Variants in PIEZO2 observed in about 807,000 individuals in gnomAD.
PIEZO2 encodes the protein piezo type mechanosensitive ion channel component 2.
In PIEZO2, 172 loss-of-function variants were observed where a neutral mutation model predicts 337.3. That is an observed-to-expected ratio of 0.51 (90% CI 0.45 to 0.58). The LOEUF is 0.58. PIEZO2 is among the 20% of genes least tolerant of loss of function. PIEZO2 has a pLI of 0.00. For missense variants in PIEZO2, 3,028 were observed against 3,391.3 expected, an observed-to-expected ratio of 0.89 and a Z score of 2.66; for synonymous variants, 1,251 against 1,228.5, an observed-to-expected ratio of 1.02 and a Z score of -0.38.
chr18:10,698,012 C>CGGATGCATTTGTGAGCAATTACTGA, intron 44 of PIEZO2, 132 bp from the exon 45 acceptor site: 1 of 1,062,350 alleles, frequency 9.4e-7, no homozygotes, highest in East Asian at 2.6e-5. Flanking sequence ...TGAGTATGCA[C>CGGATGCATTTGTGAGCAATTACTGA]GGCCTTGGGA....
chr18:10,977,868 A>C (rs951479668), intron 3 of PIEZO2, among the ~76,000 whole-genome samples: 1 of 152,240 alleles, frequency 6.6e-6, no homozygotes, highest in Non-Finnish European at 1.5e-5. Context: ...TGAATAGACA[A>C]ATCTAATACA....
chr18:11,075,846 T>C (rs1027333354), intron 1 of PIEZO2, among the ~76,000 whole-genome samples: 9 of 149,768 alleles, frequency 6.0e-5, no homozygotes, highest in East Asian at 4.0e-4. Context: ...TGGAGTGCAG[T>C]GGCGCGATCT....
chr18:11,109,513 T>C lies in PIEZO2; in HGVS notation c.64+39012A>G, dbSNP rs4392133. On this transcript the variant is annotated intron_variant, in intron 1 of 55. Transcript: ENST00000674853. The surrounding 1 kb of genome is among the most constrained non-coding windows in gnomAD (Gnocchi z 5.1). The stretch of plus-strand genomic sequence containing the variant: ...GGTGGATCACTTGAGGTCAGGGGTT[T>C]GAGACGACCCTGGCCAAGATGGCGA... Among the ~76,000 whole-genome samples the C allele has an allele frequency of 0.86, 131,300 of 152,092 alleles. 56,826 individuals carry two copies. Among genetic ancestry groups the C allele is most frequent in the African/African-American group, 0.92 (38,170 of 41,484 alleles).
rs1198556503 is a variant in PIEZO2, at chr18:10,988,702, G to A, written c.161-9042C>T. ...CCTAAATGTCCACTGAAGGAATATT[G>A]GATAAGGAAATTGTGGCATATACAT... On this transcript the variant is annotated intron_variant, in intron 2 of 55. Coordinates refer to ENST00000674853, the MANE Select transcript of PIEZO2 (RefSeq NM_001378183.1). The surrounding 1 kb of genome is among the most constrained non-coding windows in gnomAD (Gnocchi z 4.8). 6.6e-6 allele frequency among the ~76,000 whole-genome samples: 1 copy of A among 152,098 alleles called. No individual in the cohort carries two copies. Among genetic ancestry groups the A allele is most frequent in the Non-Finnish European group, 1.5e-5 (1 of 68,010 alleles).
At chr18:10,769,721 T>C (rs1284497175) in intron 21 of PIEZO2, 2 of 156,244 alleles carry the variant, frequency 1.3e-5, no homozygotes, top group Non-Finnish European at 2.8e-5. Flanking sequence ...TTGTATTGTA[T>C]CTCAAGAAAT....
intron 4 of PIEZO2, among the ~76,000 whole-genome samples, chr18:10,902,558 C>T (rs2043076844): frequency 1.3e-5 from 2 of 152,104 alleles, no homozygotes; most frequent in African/African-American, 4.8e-5. Flanking sequence ...AGACATGACA[C>T]CCCTCCTCCC....
chr18:10,845,151 C>A (rs1159937783), intron 7 of PIEZO2, among the ~76,000 whole-genome samples: 2 of 151,552 alleles, frequency 1.3e-5, no homozygotes, highest in Admixed American at 6.6e-5. Flanking sequence ...ATATTCATAA[C>A]CTATGGGGAA....
rs1215535230 is a variant in PIEZO2, at chr18:10,819,570, T to C, written c.918-12296A>G. On this transcript the variant is annotated intron_variant, in intron 7 of 55. Coordinates refer to ENST00000674853, the MANE Select transcript of PIEZO2 (RefSeq NM_001378183.1). This position sits in a 1 kb window ranked among gnomAD's most constrained non-coding sequence, Gnocchi z 4.3. ...TGTCACTTAACAAAAAATCCAAAGA[T>C]GAGCAGTTCCAGGTTAGCTAATTCA... 6.6e-6 allele frequency among the ~76,000 whole-genome samples: 1 copy of C among 152,192 alleles called. No individual in the cohort carries two copies. Among genetic ancestry groups the C allele is most frequent in the Non-Finnish European group, 1.5e-5 (1 of 68,026 alleles).
Position 11,080,782 on chromosome 18 carries a change from C to G in PIEZO2, c.65-14560G>C, listed in dbSNP as rs2038711761. On this transcript the variant is annotated intron_variant, in intron 1 of 55. Coordinates refer to ENST00000674853, the MANE Select transcript of PIEZO2 (RefSeq NM_001378183.1). The surrounding 1 kb of genome is among the most constrained non-coding windows in gnomAD (Gnocchi z 5.4). Reference sequence around the variant, plus strand: ...TCGCTTGAACTCGGGAGGCGGAGGTCACGGTGAGCCAAGATGGTGCCACTG... The same window carrying G: ...TCGCTTGAACTCGGGAGGCGGAGGTGACGGTGAGCCAAGATGGTGCCACTG... 6.6e-6 allele frequency among the ~76,000 whole-genome samples: 1 copy of G among 152,122 alleles called. No individual in the cohort carries two copies.
intron 2 of PIEZO2, among the ~76,000 whole-genome samples, chr18:10,996,913 A>T (rs2035344120): frequency 6.6e-6 from 1 of 152,184 alleles, no homozygotes; most frequent in Non-Finnish European, 1.5e-5. Flanking sequence ...TGACCAAAGG[A>T]GCTGTGGGGA....
intron 3 of PIEZO2, among the ~76,000 whole-genome samples, chr18:10,963,708 C>T (rs1207724627): frequency 6.6e-6 from 1 of 152,078 alleles, no homozygotes; most frequent in Admixed American, 6.5e-5. Context: ...AGCTATTTGT[C>T]AGTGTTATGG....
chr18:11,033,647 C>T lies in PIEZO2; in HGVS notation c.160+32480G>A, dbSNP rs1373579454. ...TAGTCTGAAAACATAAACCATATAA[C>T]GAGTCAGACATATATAGCACATGCC... On this transcript the variant is annotated intron_variant, in intron 2 of 55. Coordinates refer to ENST00000674853, the MANE Select transcript of PIEZO2 (RefSeq NM_001378183.1). This position sits in a 1 kb window ranked among gnomAD's most constrained non-coding sequence, Gnocchi z 4.2. 6.6e-6 allele frequency among the ~76,000 whole-genome samples: 1 copy of T among 152,046 alleles called. No individual in the cohort carries two copies. The highest frequency in any genetic ancestry group is 1.5e-5 in the Non-Finnish European group (1 of 68,026).
At chr18:10,839,609 G>A (rs2041129132) in intron 7 of PIEZO2, among the ~76,000 whole-genome samples, 1 of 152,202 alleles carries the variant, frequency 6.6e-6, no homozygotes, top group Non-Finnish European at 1.5e-5. Flanking sequence ...CCCCATGTCT[G>A]GCTTGGCAGT....
chr18:10,841,525 G>A (rs1484739820), intron 7 of PIEZO2, among the ~76,000 whole-genome samples: 1 of 152,160 alleles, frequency 6.6e-6, no homozygotes, highest in African/African-American at 2.4e-5. Flanking sequence ...GAGGCCAGAA[G>A]GCAGTGAGTT....
chr18:10,953,888 G>A lies in PIEZO2; in HGVS notation c.286+25647C>T, dbSNP rs997744573. Among the ~76,000 whole-genome samples the A allele has an allele frequency of 3.3e-5, 5 of 152,184 alleles. No individual in the cohort carries two copies. The highest frequency in any genetic ancestry group is 1.3e-4 in the Admixed American group (2 of 15,282). The stretch of plus-strand genomic sequence containing the variant: ...AGCACAGGGTGCCCCTGGTTACTAT[G>A]TGAGGACGATACTGCCTTGTTTTAA... On this transcript the variant is annotated intron_variant, in intron 3 of 55. Transcript: ENST00000674853. This position sits in a 1 kb window ranked among gnomAD's most constrained non-coding sequence, Gnocchi z 5.2.
chr18:10,725,546 TC>T, intron 36 of PIEZO2: 1 of 1,372,728 alleles, frequency 7.3e-7, no homozygotes, highest in Non-Finnish European at 9.9e-7. Flanking sequence ...CCCCACTAAC[TC>T]CCCCTTTTGT....
Position 10,701,880 on chromosome 18 carries a change from C to T in PIEZO2, c.6441+109G>A, listed in dbSNP as rs892030339. On this transcript the variant is annotated intron_variant, in intron 43 of 55. Transcript: ENST00000674853. ...ATATGAGTAGATACCACTCACTGGCCCCTCAGCCCCATCACCAATCCTGAT... is the reference window on the plus strand; with the variant it reads ...ATATGAGTAGATACCACTCACTGGCTCCTCAGCCCCATCACCAATCCTGAT... 1.1e-5 allele frequency: 10 copies of T among 880,602 alleles called. 1 individual carries two copies. The highest frequency in any genetic ancestry group is 6.5e-4 in the Middle Eastern group (2 of 3,090). The allele number at this position is 880,602 out of a possible 1,614,324, so 54.5% of individuals were successfully genotyped here.
intron 44 of PIEZO2, among the ~76,000 whole-genome samples, chr18:10,698,378 C>G (rs1002358230): frequency 6.6e-6 from 1 of 152,008 alleles, no homozygotes; most frequent in African/African-American, 2.4e-5. Context: ...CAGACAGGAG[C>G]CCCATAATTA....
In PIEZO2 at chr18:10,797,388, G is replaced by A; in HGVS notation, c.1513C>T (p.Leu505Phe). 1 of 1,535,326 alleles carries A rather than the reference G, an allele frequency of 6.5e-7. No homozygotes were observed. The highest frequency in any genetic ancestry group is 8.7e-7 in the Non-Finnish European group (1 of 1,145,402). ...ATCATACATACCATCATAGCTATGA[G>A]GGCACAGATGTAACTTTGTTTCATA... ...FIMKQSYICA[L>F]IAMMAWSITY... The change falls in exon 12 of 56, where the codon CTC becomes TTC. Residue 505 changes from leucine (L) to phenylalanine (F), a missense_variant. By Grantham distance (22) the Leu-to-Phe change is conservative. Around this residue, in one of 5 missense-constraint regions of PIEZO2, gnomAD observed 50 missense variants for 88.2 expected, o/e 0.57. Transcript: ENST00000674853.
Sources: allele counts gnomAD v4.1 joint callset (sites outside exome capture counted in the v4.1 genomes callset), GRCh38; gene constraint gnomAD v4.1.1; regional missense constraint gnomAD v4.1.1; non-coding constraint Gnocchi (gnomAD v3.1); transcripts MANE v1.5; gene names NCBI Gene and HGNC (gene_info 2026-07-23, HGNC 2026-07-21).